ELF1: variants seen among roughly 807,000 people sequenced by gnomAD.
ELF1 encodes the protein ETS-related transcription factor Elf-1.
Under a neutral mutation model 59.9 loss-of-function variants are expected in ELF1, and 24 were observed. The observed-to-expected ratio is 0.40, with a 90% CI of 0.29 to 0.56. The LOEUF is 0.56. ELF1 is among the 20% of genes least tolerant of loss of function. The pLI, the probability that ELF1 is intolerant of heterozygous loss-of-function variation, is 0.44. For synonymous variants in ELF1, 248 were observed against 266.2 expected, an observed-to-expected ratio of 0.93 and a Z score of 0.67; for missense variants, 627 against 742.2, an observed-to-expected ratio of 0.84 and a Z score of 1.80.
intron 1 of ELF1, among the ~76,000 whole-genome samples, chr13:41,014,318 G>A (rs1026229884): frequency 2.2e-4 from 34 of 152,072 alleles, no homozygotes; most frequent in Non-Finnish European, 4.6e-4. Flanking sequence ...TAGAAGGCAA[G>A]AGGGCTCTGA....
At chr13:40,957,628 TA>T (rs1185035787) in intron 3 of ELF1, among the ~76,000 whole-genome samples, 1 of 152,098 alleles carries the variant, frequency 6.6e-6, no homozygotes, top group Non-Finnish European at 1.5e-5. Flanking sequence ...ACCATGATTG[TA>T]AGTTTCCTGA....
chr13:41,026,790 T>C (rs1353594441), intron 1 of ELF1, among the ~76,000 whole-genome samples: 2 of 152,110 alleles, frequency 1.3e-5, no homozygotes, highest in Admixed American at 1.3e-4. Context: ...GGAGGTAACA[T>C]ATATGTGATT....
intron 1 of ELF1, among the ~76,000 whole-genome samples, chr13:41,046,206 A>C (rs1436981228): frequency 6.6e-6 from 1 of 152,208 alleles, no homozygotes. Flanking sequence ...TCTCCTGAAT[A>C]CAGCACACTG....
chr13:41,012,824 C>T (rs9525442), intron 1 of ELF1, among the ~76,000 whole-genome samples: 37,661 of 151,858 alleles, frequency 0.25, 5,159 homozygotes, highest in South Asian at 0.43. Context: ...TTCCAAAGTG[C>T]TCAAATTATA....
chr13:40,975,113 A>G (rs1415634591), intron 2 of ELF1, among the ~76,000 whole-genome samples: 1 of 152,232 alleles, frequency 6.6e-6, no homozygotes, highest in Non-Finnish European at 1.5e-5. Flanking sequence ...TTTAAGGTAA[A>G]TAACAGAGGA....
At chr13:41,033,971 T>C (rs956912165) in intron 1 of ELF1, among the ~76,000 whole-genome samples, 5 of 152,252 alleles carry the variant, frequency 3.3e-5, no homozygotes, top group South Asian at 2.1e-4. Flanking sequence ...ATATCCTGAT[T>C]ATGGTGATGG....
At chr13:41,054,496 T>A (rs754622067) in intron 1 of ELF1, among the ~76,000 whole-genome samples, 1 of 152,184 alleles carries the variant, frequency 6.6e-6, no homozygotes, top group Non-Finnish European at 1.5e-5. Context: ...AGGTATGCAA[T>A]AAATTTACTA....
intron 8 of ELF1, among the ~76,000 whole-genome samples, chr13:40,935,626 G>C (rs9532676): frequency 0.52 from 79,381 of 151,650 alleles, 24,365 homozygotes; most frequent in Non-Finnish European, 0.67. Flanking sequence ...GGGAAATCTG[G>C]GGTGAGATGG....
intron 1 of ELF1, among the ~76,000 whole-genome samples, chr13:41,043,195 T>C (rs1025951978): frequency 6.6e-6 from 1 of 152,252 alleles, no homozygotes; most frequent in Non-Finnish European, 1.5e-5. Flanking sequence ...TTGTAGATTC[T>C]GGATATTAGC....
chr13:40,993,394 G>T lies in ELF1; in HGVS notation c.-228-11112C>A, dbSNP rs73469270. The T allele has an allele frequency of 0.01, 8,393 of 813,792 alleles. 470 individuals are homozygous for T. The African/African-American group carries it at 0.12, about 12-fold the overall frequency. 50.4% of individuals were successfully genotyped at this position (813,792 alleles called of 1,614,324 possible). A position where few individuals can be genotyped will look rare whatever the true frequency, so the allele number is the denominator to read the frequency against. ...GTGTGGGCAGTGCACCGATGGGTCT[G>T]GGGGGAGCGGGGCTGGGCGGCTCTG... On this transcript the variant is annotated intron_variant, in intron 1 of 8. Transcript: ENST00000239882.
At chr13:40,998,296 T>C (rs140692317) in intron 1 of ELF1, among the ~76,000 whole-genome samples, 1 of 152,346 alleles carries the variant, frequency 6.6e-6, no homozygotes, top group African/African-American at 2.4e-5. Context: ...GTAGTCCCCA[T>C]GTTTTTACTG....
At chr13:40,974,909 C>G (rs542783228) in intron 2 of ELF1, among the ~76,000 whole-genome samples, 3 of 152,292 alleles carry the variant, frequency 2.0e-5, no homozygotes, top group East Asian at 1.9e-4. Context: ...AGATCTCCCC[C>G]AGAAGGCAAT....
At position 41,012,287 on chromosome 13, in the gene ELF1, T is replaced by G. The variant is rs535264236; in HGVS notation, c.-229+6941A>C. ...GAGATTGTGCCACTCCACTCCAGCC[T>G]GAGCGACAGAGCAAGACTCTGTCTC... On this transcript the variant is annotated intron_variant, in intron 1 of 8. Transcript: ENST00000239882. Among the ~76,000 whole-genome samples, 3 of 120,228 alleles carry G rather than the reference T, an allele frequency of 2.5e-5. 1 individual carries two copies. The South Asian group carries it at 8.0e-4, about 32-fold the overall frequency. 78.9% of individuals were successfully genotyped at this position (120,228 alleles called of 152,430 possible). A position where few individuals can be genotyped will look rare whatever the true frequency, so the allele number is the denominator to read the frequency against.
chr13:41,055,391 C>G (rs2766725), intron 1 of ELF1, among the ~76,000 whole-genome samples: 22,349 of 151,098 alleles, frequency 0.15, 1,822 homozygotes, highest in Non-Finnish European at 0.19. Context: ...TTGTCCCCAT[C>G]CCTGTCTCTA....
intron 1 of ELF1, among the ~76,000 whole-genome samples, chr13:41,000,695 ATAT>A (rs1200092591): frequency 2.0e-5 from 3 of 152,158 alleles, no homozygotes; most frequent in East Asian, 3.8e-4. Flanking sequence ...AGGTTTATTT[ATAT>A]TATTATTTAC....
At chr13:41,060,166 G>A (rs753207268) in intron 1 of ELF1, among the ~76,000 whole-genome samples, 2 of 152,174 alleles carry the variant, frequency 1.3e-5, no homozygotes, top group African/African-American at 2.4e-5. Context: ...AAGGGGCGCC[G>A]GGCGGCTGCG....
At chr13:41,044,088 TTC>T (rs960896476) in intron 1 of ELF1, among the ~76,000 whole-genome samples, 3 of 152,126 alleles carry the variant, frequency 2.0e-5, no homozygotes, top group East Asian at 1.9e-4. Context: ...CATTATTTGG[TTC>T]TCTGTTTGTC....
At chr13:40,950,065 A>C (rs1250910990) in intron 4 of ELF1, 92 bp from the exon 5 acceptor site, 1 of 1,128,246 alleles carries the variant, frequency 8.9e-7, no homozygotes, top group African/African-American at 1.6e-5. Flanking sequence ...TATGACTAGA[A>C]GATTAAAGTA....
intron 1 of ELF1, among the ~76,000 whole-genome samples, chr13:41,012,919 T>C (rs9532699): frequency 0.95 from 144,235 of 152,198 alleles, 68,671 homozygotes; most frequent in Non-Finnish European, 1. Context: ...ACTACATATA[T>C]ATCAAGATAG....
Sources: gnomAD v4.1 joint callset for allele counts (sites outside exome capture counted in the v4.1 genomes callset) on GRCh38, gnomAD v4.1.1 for gene constraint, MANE v1.5 for transcripts, NCBI Gene and HGNC (gene_info 2026-07-23, HGNC 2026-07-21) for gene names.